The following DGKI variants were observed in gnomAD, a reference collection of about 807,000 sequenced individuals.
DGKI encodes the protein DAG kinase iota.
Under a neutral mutation model 147.5 loss-of-function variants are expected in DGKI, and 55 were observed. That is an observed-to-expected ratio of 0.37 (90% CI 0.30 to 0.47). The LOEUF is 0.47. DGKI is among the 20% of genes least tolerant of loss of function. The probability of loss-of-function intolerance (pLI) is 1.00; values close to 1 mark genes in which losing one functional copy is unlikely to be tolerated. For missense variants in DGKI, 1,007 were observed against 1,323.8 expected, an observed-to-expected ratio of 0.76 and a Z score of 3.71; for synonymous variants, 469 against 477.1, an observed-to-expected ratio of 0.98 and a Z score of 0.22.
chr7:137,556,336 C>G (rs1646382), intron 19 of DGKI, among the ~76,000 whole-genome samples: 16,595 of 150,714 alleles, frequency 0.11, 2,041 homozygotes, highest in African/African-American at 0.3. Flanking sequence ...CGAAAGTTTT[C>G]AACATAATAT....
intron 21 of DGKI, among the ~76,000 whole-genome samples, chr7:137,512,827 G>C (rs1227211195): frequency 6.6e-6 from 1 of 152,098 alleles, no homozygotes; most frequent in Non-Finnish European, 1.5e-5. Flanking sequence ...GTCATAAACA[G>C]AATTAGATGG....
At chr7:137,833,608 C>T (rs1482761578) in intron 1 of DGKI, among the ~76,000 whole-genome samples, 2 of 152,174 alleles carry the variant, frequency 1.3e-5, no homozygotes, top group Admixed American at 6.5e-5. Context: ...TGAATAAAGA[C>T]AGGAACCAGA....
chr7:137,772,701 T>G (rs1009037702), intron 1 of DGKI, among the ~76,000 whole-genome samples: 31 of 152,270 alleles, frequency 2.0e-4, no homozygotes, highest in African/African-American at 6.3e-4. Flanking sequence ...GTCTCTTTAC[T>G]TAAATAGACC....
chr7:137,553,755 C>T (rs28755996), intron 19 of DGKI, among the ~76,000 whole-genome samples: 6,245 of 152,210 alleles, frequency 0.041, 287 homozygotes, highest in African/African-American at 0.11. Flanking sequence ...CCTTCCTAGT[C>T]TATTACACAC....
At chr7:137,814,103 A>T (rs1355865855) in intron 1 of DGKI, among the ~76,000 whole-genome samples, 1 of 152,112 alleles carries the variant, frequency 6.6e-6, no homozygotes, top group Non-Finnish European at 1.5e-5. Flanking sequence ...GGATCTCCAG[A>T]GCAGAATGAA....
rs1811355546 is a variant in DGKI, at chr7:137,391,306, C to A, written c.3088G>T (p.Ala1030Ser). The change falls in exon 33 of 33, where the codon GCT (alanine) becomes TCT (serine). Residue 1030 changes from alanine to serine, a missense_variant. Physicochemically the swap from Ala to Ser is moderately conservative, Grantham distance 99 (BLOSUM62 1). Around this residue, in one of 5 missense-constraint regions of DGKI, gnomAD observed 385 missense variants for 445.2 expected, o/e 0.86. Coordinates refer to ENST00000614521, the MANE Select transcript of DGKI (RefSeq NM_001321708.2). ...TAAGCAGCCAAGTCTGGGTCCCCAG[C>A]CTGCTGTGCTCTTTCTTGAGGTGTC... ...GKTPQERAQQ[A>S]GDPDLAAYLE... is the part of the protein sequence containing the mutation. 6.2e-7 allele frequency: 1 copy of A among 1,611,896 alleles called. No homozygotes were observed. The highest frequency in any genetic ancestry group is 8.5e-7 in the Non-Finnish European group (1 of 1,179,160).
intron 1 of DGKI, among the ~76,000 whole-genome samples, chr7:137,833,362 T>C (rs1307584188): frequency 6.6e-6 from 1 of 152,170 alleles, no homozygotes; most frequent in Non-Finnish European, 1.5e-5. Context: ...AAATCATGTC[T>C]TACATGAATG....
intron 1 of DGKI, among the ~76,000 whole-genome samples, chr7:137,769,381 A>G (rs946102956): frequency 3.3e-5 from 5 of 152,234 alleles, no homozygotes; most frequent in Admixed American, 1.3e-4. Context: ...TTAATCAGCA[A>G]GGGAAGATCA....
rs1038418723 is a variant in DGKI at position 137,534,085 on chromosome 7, C to T, written c.2148-12119G>A. On this transcript the variant is annotated intron_variant, in intron 20 of 32. Transcript: ENST00000614521. Reference sequence around the variant, plus strand: ...TTGGTATAATTAAATTGAAGCCCTCCTACAAATGAAACGCACCTCACACTT... The same window carrying T: ...TTGGTATAATTAAATTGAAGCCCTCTTACAAATGAAACGCACCTCACACTT... Among the ~76,000 whole-genome samples, 5 of 152,144 alleles carry T rather than the reference C, an allele frequency of 3.3e-5. No homozygotes were observed. In the East Asian group the frequency reaches 9.7e-4, roughly 29 times the overall value.
At chr7:137,394,283 G>T (rs1490186024) in intron 32 of DGKI, among the ~76,000 whole-genome samples, 2 of 152,174 alleles carry the variant, frequency 1.3e-5, no homozygotes, top group Non-Finnish European at 2.9e-5. Context: ...AGATTTGTGT[G>T]TGTGTGTGAT....
chr7:137,809,729 C>A (rs909021111), intron 1 of DGKI, among the ~76,000 whole-genome samples: 1 of 152,040 alleles, frequency 6.6e-6, no homozygotes, highest in African/African-American at 2.4e-5. Flanking sequence ...CATGGCAAAA[C>A]CCTGTCTCTA....
At chr7:137,729,286 C>T (rs1196755121) in intron 1 of DGKI, among the ~76,000 whole-genome samples, 3 of 152,108 alleles carry the variant, frequency 2.0e-5, no homozygotes, top group Non-Finnish European at 4.4e-5. Context: ...CTTTTCTTTG[C>T]ACCATGTGCA....
Position 137,638,622 on chromosome 7 carries a change from A to ATATACG in DGKI, c.804+6849_804+6850insCGTATA. Among the ~76,000 whole-genome samples, 2 of 22,574 alleles carry ATATACG rather than the reference A, an allele frequency of 8.9e-5. 1 individual carries two copies. The highest frequency in any genetic ancestry group is 1.3e-4 in the Non-Finnish European group (2 of 15,816). 14.8% of individuals were successfully genotyped at this position (22,574 alleles called of 152,430 possible). A position where few individuals can be genotyped will look rare whatever the true frequency, so the allele number is the denominator to read the frequency against. ...TATATGTATATATATACACACACAC[A>ATATACG]TATATATGTGTGTATATATGTGTAT... On this transcript the variant is annotated intron_variant, in intron 6 of 32. Coordinates refer to ENST00000614521, the MANE Select transcript of DGKI (RefSeq NM_001321708.2).
At chr7:137,415,708 A>G (rs928196697) in intron 28 of DGKI, among the ~76,000 whole-genome samples, 4 of 152,230 alleles carry the variant, frequency 2.6e-5, no homozygotes, top group Non-Finnish European at 5.9e-5. Flanking sequence ...TCAGCCAGGC[A>G]TGGTGGCTCA....
intron 23 of DGKI, among the ~76,000 whole-genome samples, chr7:137,482,349 C>T (rs1224010672): frequency 6.6e-6 from 1 of 151,818 alleles, no homozygotes; most frequent in Non-Finnish European, 1.5e-5. Flanking sequence ...CTTGAACCTG[C>T]ACTCTTCTTG....
rs1319971367 is a variant in DGKI at position 137,827,641 on chromosome 7, G to A, written c.401+18821C>T. ...CACCCAGATCCAGATACAATCATGT[G>A]CATCATGCTATGCCCGCTGCTTTAC... On this transcript the variant is annotated intron_variant, in intron 1 of 32. Coordinates refer to ENST00000614521, the MANE Select transcript of DGKI (RefSeq NM_001321708.2). Among the ~76,000 whole-genome samples, 27 of 152,168 alleles carry A rather than the reference G, an allele frequency of 1.8e-4. 1 individual carries two copies. The highest frequency in any genetic ancestry group is 1.8e-3 in the Admixed American group (27 of 15,286).
Position 137,819,313 on chromosome 7 carries a change from AT to A in DGKI, c.401+27148del, listed in dbSNP as rs368399753. On this transcript the variant is annotated intron_variant, in intron 1 of 32. Coordinates refer to ENST00000614521, the MANE Select transcript of DGKI (RefSeq NM_001321708.2). ...TCCAAGAACTTCAGACTACAAGGGA[AT>A]TTTTTTTTTTTTTTTGAGACAGAGT... Among the ~76,000 whole-genome samples the A allele has an allele frequency of 1.3e-3, 184 of 143,646 alleles. 2 individuals are homozygous for A. Among genetic ancestry groups the A allele is most frequent in the Middle Eastern group, 0.011 (3 of 278 alleles). 94.2% of individuals were successfully genotyped at this position (143,646 alleles called of 152,430 possible).
chr7:137,482,607 C>T (rs1380538925), intron 23 of DGKI, among the ~76,000 whole-genome samples: 1 of 151,994 alleles, frequency 6.6e-6, no homozygotes, highest in Non-Finnish European at 1.5e-5. Flanking sequence ...ACTCTATTTC[C>T]TATGCCTCCA....
chr7:137,778,605 A>G (rs906784596), intron 1 of DGKI, among the ~76,000 whole-genome samples: 1 of 152,164 alleles, frequency 6.6e-6, no homozygotes, highest in Non-Finnish European at 1.5e-5. Flanking sequence ...AATTAAAAAA[A>G]AAAACTACTC....
Sources: allele counts gnomAD v4.1 joint callset (sites outside exome capture counted in the v4.1 genomes callset), GRCh38; gene constraint gnomAD v4.1.1; regional missense constraint gnomAD v4.1.1; transcripts MANE v1.5; gene names NCBI Gene and HGNC (gene_info 2026-07-23, HGNC 2026-07-21).